Variants in TMEM135 observed in about 807,000 individuals in gnomAD.
TMEM135 encodes peroxisomal membrane protein 52.
A neutral mutation model predicts 60.3 loss-of-function variants in TMEM135; 30 were observed. The ratio of observed to expected loss-of-function variants is 0.50; its 90% CI spans 0.37 to 0.68. TMEM135 has a LOEUF of 0.68. Ranked by LOEUF, TMEM135 falls within the 30% of genes least tolerant of loss-of-function variation. The pLI, the probability that TMEM135 is intolerant of heterozygous loss-of-function variation, is 0.00. For synonymous variants in TMEM135, 190 were observed against 186.7 expected, an observed-to-expected ratio of 1.02 and a Z score of -0.14; for missense variants, 468 against 548.8, an observed-to-expected ratio of 0.85 and a Z score of 1.47.
chr11:87,150,018 G>C (rs554709995), intron 4 of TMEM135, among the ~76,000 whole-genome samples: 4 of 152,128 alleles, frequency 2.6e-5, no homozygotes, highest in South Asian at 2.1e-4. Flanking sequence ...AAGAGTTAGC[G>C]ACCAGCCTGA....
intron 5 of TMEM135, among the ~76,000 whole-genome samples, chr11:87,171,751 C>T (rs117551822): frequency 3.3e-5 from 5 of 152,182 alleles, no homozygotes; most frequent in Admixed American, 6.5e-5. Context: ...CTTTTTGGCA[C>T]GAGGGACCGG....
chr11:87,261,253 C>T (rs1445381639), intron 6 of TMEM135, among the ~76,000 whole-genome samples: 2 of 152,148 alleles, frequency 1.3e-5, no homozygotes, highest in Non-Finnish European at 1.5e-5. Context: ...TCAGCGCCAA[C>T]CTCCTTTAAT....
rs7926724 is a variant in TMEM135, at chr11:87,326,523, T to C, written c.*5190T>C. 0.55 allele frequency: 249,958 copies of C among 453,794 alleles called. 71,285 individuals are homozygous for C. The highest frequency in any genetic ancestry group is 0.62 in the Non-Finnish European group (139,700 of 226,720). The allele number at this position is 453,794 out of a possible 1,614,324, so 28.1% of individuals were successfully genotyped here. A position where few individuals can be genotyped will look rare whatever the true frequency, so the allele number is the denominator to read the frequency against. ...CAAAGGTTTAAAGCATGAAGTACAT[T>C]CTGTGGTTGGTCATTATGGGATTGG... On this transcript the variant is annotated 3_prime_UTR_variant, in exon 15 of 15. Transcript: ENST00000305494.
At chr11:87,270,470 T>C (rs1224939705) in intron 6 of TMEM135, among the ~76,000 whole-genome samples, 1 of 152,202 alleles carries the variant, frequency 6.6e-6, no homozygotes, top group African/African-American at 2.4e-5. Context: ...AAATTACTTC[T>C]ACTTTAAGAA....
intron 4 of TMEM135, among the ~76,000 whole-genome samples, chr11:87,106,950 G>A (rs561248876): frequency 1.3e-5 from 2 of 152,262 alleles, no homozygotes; most frequent in South Asian, 2.1e-4. Context: ...CGTGGTGAAA[G>A]CAAGAGCAAG....
At chr11:87,070,222 A>G (rs1856749347) in intron 2 of TMEM135, among the ~76,000 whole-genome samples, 3 of 152,124 alleles carry the variant, frequency 2.0e-5, no homozygotes, top group African/African-American at 2.4e-5. Context: ...TATAATTTTC[A>G]TAATGTATAA....
At chr11:87,198,915 G>A (rs183250188) in intron 5 of TMEM135, among the ~76,000 whole-genome samples, 1 of 152,262 alleles carries the variant, frequency 6.6e-6, no homozygotes, top group East Asian at 1.9e-4. Context: ...CTAGGCACTA[G>A]GGATTTTCCT....
intron 5 of TMEM135, among the ~76,000 whole-genome samples, chr11:87,191,210 A>T (rs1294368267): frequency 6.6e-6 from 1 of 151,418 alleles, no homozygotes; most frequent in Admixed American, 6.6e-5. Flanking sequence ...TTATCTCCTG[A>T]TATCAGAAGT....
At chr11:87,152,146 A>G (rs1030399457) in intron 4 of TMEM135, among the ~76,000 whole-genome samples, 1 of 152,186 alleles carries the variant, frequency 6.6e-6, no homozygotes, top group Non-Finnish European at 1.5e-5. Flanking sequence ...GACTCTTCAG[A>G]GAGTGAAATT....
intron 5 of TMEM135, among the ~76,000 whole-genome samples, chr11:87,226,036 T>A (rs1168615388): frequency 6.6e-6 from 1 of 152,186 alleles, no homozygotes; most frequent in Non-Finnish European, 1.5e-5. Flanking sequence ...AGTTCCTCAC[T>A]CTTCCTGTCC....
At chr11:87,204,077 C>A (rs944647062) in intron 5 of TMEM135, among the ~76,000 whole-genome samples, 1 of 151,862 alleles carries the variant, frequency 6.6e-6, no homozygotes, top group Non-Finnish European at 1.5e-5. Flanking sequence ...CCATTCTGTA[C>A]CCTGTTCCTC....
At chr11:87,195,222 T>G (rs1303400129) in intron 5 of TMEM135, among the ~76,000 whole-genome samples, 1 of 151,650 alleles carries the variant, frequency 6.6e-6, no homozygotes, top group East Asian at 1.9e-4. Context: ...CCTTCTCCCC[T>G]GTCTTCTTTT....
intron 7 of TMEM135, among the ~76,000 whole-genome samples, chr11:87,296,439 A>G (rs955721047): frequency 6.6e-6 from 1 of 152,194 alleles, no homozygotes; most frequent in Non-Finnish European, 1.5e-5. Context: ...TTAACATCAC[A>G]CAAGTTAACT....
At chr11:87,112,604 A>G (rs910149590) in intron 4 of TMEM135, among the ~76,000 whole-genome samples, 2 of 152,102 alleles carry the variant, frequency 1.3e-5, no homozygotes, top group Admixed American at 6.5e-5. Context: ...CATCTTTACA[A>G]TCTTGTATGT....
At chr11:87,287,986 T>C (rs1942198747) in intron 6 of TMEM135, among the ~76,000 whole-genome samples, 1 of 152,152 alleles carries the variant, frequency 6.6e-6, no homozygotes, top group Non-Finnish European at 1.5e-5. Context: ...GTACAAATAA[T>C]ATATAAATTT....
At chr11:87,068,988 C>G (rs537621684) in intron 2 of TMEM135, among the ~76,000 whole-genome samples, 10 of 151,472 alleles carry the variant, frequency 6.6e-5, no homozygotes, top group African/African-American at 9.7e-5. Flanking sequence ...AAGGAACTCT[C>G]TTTATCATGT....
chr11:87,163,058 T>A (rs1272290554), intron 5 of TMEM135, among the ~76,000 whole-genome samples: 1 of 151,768 alleles, frequency 6.6e-6, no homozygotes, highest in Non-Finnish European at 1.5e-5. Flanking sequence ...TTATTATACA[T>A]TAAGTTTTAG....
intron 5 of TMEM135, among the ~76,000 whole-genome samples, chr11:87,172,505 A>G (rs577441104): frequency 1.4e-3 from 206 of 151,862 alleles, no homozygotes; most frequent in Non-Finnish European, 2.0e-3. Context: ...GATTTTTTTT[A>G]AACCTTCCAG....
chr11:87,199,208 A>G (rs2135327951), intron 5 of TMEM135, among the ~76,000 whole-genome samples: 1 of 152,286 alleles, frequency 6.6e-6, no homozygotes, highest in South Asian at 2.1e-4. Flanking sequence ...AAAAATACAA[A>G]AATTAGCTGG....
Sources: allele counts gnomAD v4.1 joint callset (sites outside exome capture counted in the v4.1 genomes callset), GRCh38; gene constraint gnomAD v4.1.1; transcripts MANE v1.5; gene names NCBI Gene and HGNC (gene_info 2026-07-23, HGNC 2026-07-21).